The following WWOX variants were observed in gnomAD, a reference collection of about 807,000 sequenced individuals.
WWOX encodes WW domain containing oxidoreductase.
A neutral mutation model predicts 46.2 loss-of-function variants in WWOX; 69 were observed. That is an observed-to-expected ratio of 1.49 (90% CI 1.23 to 1.82). The LOEUF is 1.82. Among genes scored for constraint, WWOX ranks in the 40% most tolerant of loss-of-function variants. WWOX has a pLI of 0.00. For missense variants in WWOX, 919 were observed against 542.6 expected (o/e 1.69, Z -6.89); for synonymous variants, 359 against 202.6 (o/e 1.77, Z -6.56).
At chr16:78,894,948 TGGATCCACCCA>T (rs929674789) in intron 8 of WWOX, among the ~76,000 whole-genome samples, 1 of 152,174 alleles carries the variant, frequency 6.6e-6, no homozygotes, top group African/African-American at 2.4e-5. Flanking sequence ...ATAGTTCCAA[TGGATCCACCCA>T]GGATCCACCT....
chr16:78,744,016 T>A (rs148601550), intron 8 of WWOX, among the ~76,000 whole-genome samples: 1 of 152,192 alleles, frequency 6.6e-6, no homozygotes, highest in Non-Finnish European at 1.5e-5. Context: ...ATGCGTTTTG[T>A]CCAATTCTTT....
Position 78,099,777 on chromosome 16 carries a change from C to T in WWOX, c.-2C>T. The T allele has an allele frequency of 1.9e-6, 3 of 1,547,522 alleles. No individual in the cohort carries two copies. Among genetic ancestry groups the T allele is most frequent in the East Asian group, 4.9e-5 (2 of 40,484 alleles). On this transcript the variant is annotated 5_prime_UTR_variant, in exon 1 of 9. Transcript: ENST00000566780. ...GGGGGCCAGGTGCCTCCACAGTCAG[C>T]CATGGCAGCGCTGCGCTACGCGGGG...
At chr16:78,534,419 C>G (rs763378450) in intron 8 of WWOX, 1 of 152,204 alleles carries the variant, frequency 6.6e-6, no homozygotes, top group Non-Finnish European at 1.5e-5. Context: ...TTGAGAGGCT[C>G]ATGGTGAAAG....
chr16:78,266,788 T>TTCTCCCTCTCTCTCTC (rs1555511362), intron 5 of WWOX, among the ~76,000 whole-genome samples: 1 of 115,532 alleles, frequency 8.7e-6, no homozygotes, highest in Non-Finnish European at 1.8e-5. Context: ...TATTCTTCTA[T>TTCTCCCTCTCTCTCTC]TCTCTCTCTC....
intron 1 of WWOX, among the ~76,000 whole-genome samples, chr16:78,103,489 C>T (rs1352996397): frequency 6.6e-6 from 1 of 152,074 alleles, no homozygotes; most frequent in African/African-American, 2.4e-5. Flanking sequence ...TCCCTGCTGG[C>T]CCTCAGTTCT....
Position 78,423,113 on chromosome 16 carries a change from C to G in WWOX, c.606-1757C>G, listed in dbSNP as rs1284683242. ...TGTTGGTCAGGCTGGTCTTGAACTTCTGACCTCGTGATTTGCCTGCCTCAG... is the reference window on the plus strand; with the variant it reads ...TGTTGGTCAGGCTGGTCTTGAACTTGTGACCTCGTGATTTGCCTGCCTCAG... On this transcript the variant is annotated intron_variant, in intron 6 of 8. Coordinates refer to ENST00000566780, the MANE Select transcript of WWOX (RefSeq NM_016373.4). Among the ~76,000 whole-genome samples, 3 of 151,792 alleles carry G rather than the reference C, an allele frequency of 2.0e-5. No homozygotes were observed. The East Asian group carries it at 5.9e-4, about 30-fold the overall frequency.
chr16:78,591,174 A>G (rs1597316373), intron 8 of WWOX, among the ~76,000 whole-genome samples: 2 of 152,244 alleles, frequency 1.3e-5, no homozygotes, highest in South Asian at 4.2e-4. Flanking sequence ...AGATGGTTTT[A>G]GCACTTCCAG....
At chr16:78,991,390 T>C (rs968542630) in intron 8 of WWOX, among the ~76,000 whole-genome samples, 4 of 151,966 alleles carry the variant, frequency 2.6e-5, no homozygotes, top group Non-Finnish European at 4.4e-5. Flanking sequence ...GCCCAGGAGT[T>C]TGAGGCCAGC....
chr16:78,212,159 G>T (rs2036579287), intron 5 of WWOX, among the ~76,000 whole-genome samples: 1 of 152,212 alleles, frequency 6.6e-6, no homozygotes, highest in Non-Finnish European at 1.5e-5. Flanking sequence ...GGCCTCAGCT[G>T]TAGAGCTGCT....
chr16:79,071,611 C>T (rs1311655363), intron 8 of WWOX, among the ~76,000 whole-genome samples: 1 of 152,364 alleles, frequency 6.6e-6, no homozygotes, highest in East Asian at 1.9e-4. Flanking sequence ...CCATTACACG[C>T]TCAGGCTTGT....
intron 6 of WWOX, among the ~76,000 whole-genome samples, chr16:78,396,077 C>T (rs1322951957): frequency 6.6e-6 from 1 of 152,140 alleles, no homozygotes; most frequent in African/African-American, 2.4e-5. Context: ...TTGCCCTCAC[C>T]TCATCATTTA....
chr16:79,065,049 A>T (rs770417733), intron 8 of WWOX, among the ~76,000 whole-genome samples: 33 of 152,158 alleles, frequency 2.2e-4, no homozygotes, highest in Non-Finnish European at 4.3e-4. Context: ...ACTTACGTGT[A>T]TGCCTGTGTG....
At chr16:78,826,915 C>T (rs1416977002) in intron 8 of WWOX, among the ~76,000 whole-genome samples, 2 of 152,202 alleles carry the variant, frequency 1.3e-5, no homozygotes, top group African/African-American at 4.8e-5. Flanking sequence ...ATTGATCACA[C>T]ACTACATGCC....
At chr16:78,496,337 A>G (rs937375520) in intron 8 of WWOX, 5 of 152,258 alleles carry the variant, frequency 3.3e-5, no homozygotes, top group Non-Finnish European at 7.3e-5. Flanking sequence ...TTCTAAAGTT[A>G]TAGATGAGTG....
At chr16:78,884,734 A>G (rs1173758429) in intron 8 of WWOX, among the ~76,000 whole-genome samples, 1 of 152,186 alleles carries the variant, frequency 6.6e-6, no homozygotes, top group Non-Finnish European at 1.5e-5. Context: ...TGTTCAAGCT[A>G]CTGGGTGTGT....
intron 8 of WWOX, among the ~76,000 whole-genome samples, chr16:78,671,737 A>C (rs1017268633): frequency 7.2e-5 from 11 of 152,276 alleles, no homozygotes; most frequent in Admixed American, 6.5e-4. Context: ...CTTACTATTT[A>C]GAATGCTATT....
At chr16:79,053,789 T>G (rs1044720218) in intron 8 of WWOX, among the ~76,000 whole-genome samples, 3 of 152,176 alleles carry the variant, frequency 2.0e-5, no homozygotes, top group African/African-American at 7.2e-5. Flanking sequence ...CCATTAATCC[T>G]GGAGCCTCTG....
chr16:79,205,329 C>T (rs1437642141), intron 8 of WWOX: 1 of 152,236 alleles, frequency 6.6e-6, no homozygotes, highest in Non-Finnish European at 1.5e-5. Context: ...GAATGACACT[C>T]TTCACCTGTC....
At chr16:78,986,486 G>A (rs751511850) in intron 8 of WWOX, among the ~76,000 whole-genome samples, 42 of 152,162 alleles carry the variant, frequency 2.8e-4, no homozygotes, top group Admixed American at 5.9e-4. Flanking sequence ...CCACTCTTTG[G>A]ATTTTAGTGG....
Sources: allele counts gnomAD v4.1 joint callset (sites outside exome capture counted in the v4.1 genomes callset), GRCh38; gene constraint gnomAD v4.1.1; transcripts MANE v1.5; gene names NCBI Gene and HGNC (gene_info 2026-07-23, HGNC 2026-07-21).